TERB2: variants seen among roughly 807,000 people sequenced by gnomAD.
TERB2 encodes the protein telomere repeat binding bouquet formation protein 2, also known as telomere repeats-binding bouquet formation protein 2.
In TERB2, 26 loss-of-function variants were observed where a neutral mutation model predicts 29.8. That is an observed-to-expected ratio of 0.87 (90% CI 0.64 to 1.21). The LOEUF is 1.21. Among genes scored for constraint, TERB2 ranks in the 50% most tolerant of loss-of-function variants. The pLI is 0.00. For missense variants in TERB2, 240 were observed against 268.6 expected (o/e 0.89, Z 0.74); for synonymous variants, 80 against 90.8 (o/e 0.88, Z 0.68).
chr15:44,973,830 T>C (rs1892004817), intron 5 of TERB2, 37 bp from the exon 6 acceptor site: 1 of 1,472,784 alleles, frequency 6.8e-7, no homozygotes. Flanking sequence ...ATATATATAC[T>C]ATGTATGTGT....
intron 3 of TERB2, among the ~76,000 whole-genome samples, chr15:44,959,941 T>C (rs1025064714): frequency 6.6e-6 from 1 of 152,208 alleles, no homozygotes; most frequent in South Asian, 2.1e-4. Flanking sequence ...GTTCCTTCCA[T>C]AGTCAATGTC....
chr15:44,973,561 C>T (rs1892001265), intron 5 of TERB2: 1 of 152,506 alleles, frequency 6.6e-6, no homozygotes, highest in Non-Finnish European at 1.5e-5. Context: ...TATATATGTG[C>T]TCACTTTGAC....
chr15:44,965,461 TATATATATTTATAAAG>T (rs1891872160), intron 4 of TERB2, among the ~76,000 whole-genome samples: 2 of 144,306 alleles, frequency 1.4e-5, no homozygotes, highest in South Asian at 4.2e-4. Flanking sequence ...TTTATAAAGA[TATATATATTTATAAAG>T]ATATATATTT....
At chr15:44,963,285 C>A (rs922992270) in intron 4 of TERB2, among the ~76,000 whole-genome samples, 2 of 152,078 alleles carry the variant, frequency 1.3e-5, no homozygotes, top group African/African-American at 2.4e-5. Flanking sequence ...ATTGGAGCAA[C>A]CTTTCATTAT....
rs1452604107 is a variant in TERB2 at position 44,956,948 on chromosome 15, C to T, written c.117C>T (p.Ser39=). 8 of 1,613,860 alleles carry T rather than the reference C, an allele frequency of 5.0e-6. No homozygotes were observed. The Admixed American group carries it at 1.3e-4, about 27-fold the overall frequency. ...SDPRAADFLF[S]CDASHPDTLR... ...CGCGAGCCGCCGACTTCTTGTTCAG[C>T]TGTGATGCCTCGCACCCAGACACGC... Residue 39 remains serine (S), a synonymous_variant, in exon 2 of 7, where the codon AGC becomes AGT. Transcript: ENST00000340827.
chr15:44,975,395 A>G (rs1311574690), intron 6 of TERB2, among the ~76,000 whole-genome samples: 13 of 152,094 alleles, frequency 8.5e-5, no homozygotes, highest in Admixed American at 8.5e-4. Flanking sequence ...TTAATTAAAC[A>G]TTTAGTGACT....
intron 3 of TERB2, among the ~76,000 whole-genome samples, chr15:44,961,241 AG>A (rs1365612306): frequency 6.7e-6 from 1 of 148,588 alleles, no homozygotes; most frequent in Non-Finnish European, 1.5e-5. Flanking sequence ...CATCTAATGT[AG>A]AGATACAAAT....
intron 4 of TERB2, among the ~76,000 whole-genome samples, chr15:44,962,617 C>T (rs1174520001): frequency 1.8e-4 from 27 of 152,016 alleles, no homozygotes; most frequent in Non-Finnish European, 7.4e-5. Context: ...TATTCTGGTT[C>T]GGGGGCTGCC....
In TERB2 at chr15:44,979,156, A is replaced by T. The variant is rs1892089511; in HGVS notation, c.*528A>T. ...TGTTTCTGGTTTGAAACATGGAGAA[A>T]AACATTTTAATAATTCATATTTCAT... On this transcript the variant is annotated 3_prime_UTR_variant, in exon 7 of 7. Coordinates refer to ENST00000340827, the MANE Select transcript of TERB2 (RefSeq NM_152448.3). The T allele has an allele frequency of 6.6e-6, 1 of 152,190 alleles. No homozygotes were observed. Among genetic ancestry groups the T allele is most frequent in the South Asian group, 2.1e-4 (1 of 4,824 alleles). 9.4% of individuals were successfully genotyped at this position (152,190 alleles called of 1,614,324 possible). A position where few individuals can be genotyped will look rare whatever the true frequency, so the allele number is the denominator to read the frequency against.
chr15:44,971,529 G>T (rs1891967154), intron 5 of TERB2, among the ~76,000 whole-genome samples: 1 of 152,156 alleles, frequency 6.6e-6, no homozygotes, highest in Admixed American at 6.6e-5. Flanking sequence ...GCCCAGGCAG[G>T]CGGATCACGA....
chr15:44,961,473 T>TC, intron 3 of TERB2, 50 bp from the exon 4 acceptor site: 1 of 1,348,468 alleles, frequency 7.4e-7, no homozygotes. Flanking sequence ...TTCAGAAGAT[T>TC]CTTAAAAAAA....
chr15:44,961,391 T>G (rs1412035910), intron 3 of TERB2, 132 bp from the exon 4 acceptor site: 2 of 605,380 alleles, frequency 3.3e-6, no homozygotes, highest in East Asian at 6.2e-5. Context: ...ATCTGCATTT[T>G]AACAAGTGTG....
chr15:44,961,629 A>G (rs1422955737), intron 4 of TERB2, 45 bp downstream of exon 4: 3 of 1,342,094 alleles, frequency 2.2e-6, no homozygotes, highest in Non-Finnish European at 1.0e-6. Context: ...CAGCTTCAAC[A>G]TTTTCTGAAA....
chr15:44,965,657 A>T (rs2141241755), intron 4 of TERB2, among the ~76,000 whole-genome samples: 1 of 146,966 alleles, frequency 6.8e-6, no homozygotes, highest in South Asian at 2.1e-4. Flanking sequence ...TTATATCTTT[A>T]TGTATATAGT....
intron 5 of TERB2, chr15:44,970,226 A>G (rs1331356874): frequency 5.5e-6 from 1 of 180,578 alleles, no homozygotes. Flanking sequence ...TGGCTCTCTC[A>G]TTATCTGTCC....
At chr15:44,965,929 C>A (rs2141241857) in intron 4 of TERB2, among the ~76,000 whole-genome samples, 1 of 151,912 alleles carries the variant, frequency 6.6e-6, no homozygotes, top group Non-Finnish European at 1.5e-5. Flanking sequence ...ATTTAAAATT[C>A]TGGTCTTCTT....
At chr15:44,977,115 A>ACACACACACACACACACACC (rs1371939306) in intron 6 of TERB2, among the ~76,000 whole-genome samples, 20 of 151,272 alleles carry the variant, frequency 1.3e-4, no homozygotes, top group South Asian at 8.4e-4. Flanking sequence ...ACACACACAC[A>ACACACACACACACACACACC]CCCCAGAAAA....
rs1389788484 is a variant in TERB2, at chr15:44,978,513, A to G, written c.548A>G (p.Lys183Arg). Residue 183 changes from lysine (K) to arginine (R), a missense_variant, in exon 7 of 7, where the codon AAG becomes AGG. Coordinates refer to ENST00000340827, the MANE Select transcript of TERB2 (RefSeq NM_152448.3). ...VTGYISIDAM[K>R]KFLGELHDFI... ...GGTTATATATCAATTGATGCCATGA[A>G]GAAATTCCTTGGGGAGCTACATGAC... 6.2e-7 allele frequency: 1 copy of G among 1,605,322 alleles called. No homozygotes were observed.
chr15:44,969,797 C>CA (rs34634243), intron 5 of TERB2, among the ~76,000 whole-genome samples: 10,303 of 123,208 alleles, frequency 0.084, 393 homozygotes, highest in Non-Finnish European at 0.1. Context: ...GGCCATGTAT[C>CA]AAAAAAAAAA....
Sources: gnomAD v4.1 joint callset for allele counts (sites outside exome capture counted in the v4.1 genomes callset) on GRCh38, gnomAD v4.1.1 for gene constraint, MANE v1.5 for transcripts, NCBI Gene and HGNC (gene_info 2026-07-23, HGNC 2026-07-21) for gene names.